TAFA1: variants seen among roughly 807,000 people sequenced by gnomAD.
TAFA1 encodes TAFA chemokine like family member 1.
Under a neutral mutation model 18.5 loss-of-function variants are expected in TAFA1, and 4 were observed. The observed-to-expected ratio is 0.22, with a 90% CI of 0.11 to 0.49. TAFA1 has a LOEUF of 0.49. TAFA1 is among the 20% of genes least tolerant of loss of function. The pLI is 0.98. For synonymous variants in TAFA1, 56 were observed against 55.2 expected (o/e 1.01, Z -0.06); for missense variants, 147 against 169.0 (o/e 0.87, Z 0.72).
At chr3:68,061,641 C>A (rs1220311141) in intron 2 of TAFA1, among the ~76,000 whole-genome samples, 1 of 152,142 alleles carries the variant, frequency 6.6e-6, no homozygotes, top group Non-Finnish European at 1.5e-5. Context: ...ATCACAGGTG[C>A]ATTTTGCATA....
chr3:68,029,880 G>C (rs1463145114), intron 2 of TAFA1, among the ~76,000 whole-genome samples: 3 of 152,082 alleles, frequency 2.0e-5, no homozygotes, highest in African/African-American at 7.2e-5. Context: ...CCTTGCCTAA[G>C]CCTCAGCTGT....
chr3:68,340,850 A>C (rs1280490820), intron 2 of TAFA1, among the ~76,000 whole-genome samples: 1 of 152,208 alleles, frequency 6.6e-6, no homozygotes, highest in African/African-American at 2.4e-5. Flanking sequence ...TCTGACCTGT[A>C]TTCACATTTC....
Position 68,408,115 on chromosome 3 carries a change from A to G in TAFA1, c.119-9165A>G, listed in dbSNP as rs1000175548. Among the ~76,000 whole-genome samples the G allele has an allele frequency of 2.0e-5, 3 of 152,168 alleles. No individual in the cohort carries two copies. In the South Asian group the frequency reaches 6.2e-4, roughly 32 times the overall value. On this transcript the variant is annotated intron_variant, in intron 2 of 4. Coordinates refer to ENST00000478136, the MANE Select transcript of TAFA1 (RefSeq NM_213609.4). ...AGTCCTGTAAAAGTGACTCTGAAAA[A>G]AATTTGCGATTTTTCTTACATATTA...
chr3:68,317,498 A>G (rs72626970), intron 2 of TAFA1, among the ~76,000 whole-genome samples: 3,953 of 152,334 alleles, frequency 0.026, 91 homozygotes, highest in East Asian at 0.098. Flanking sequence ...TAAAATGCCT[A>G]TAAGGAAGTG....
chr3:68,399,709 A>G (rs188367702), intron 2 of TAFA1, among the ~76,000 whole-genome samples: 18 of 152,318 alleles, frequency 1.2e-4, no homozygotes, highest in African/African-American at 4.3e-4. Flanking sequence ...GCACTGTGCT[A>G]AATGCTTTAT....
chr3:68,098,930 T>C (rs552650174), intron 2 of TAFA1, among the ~76,000 whole-genome samples: 82 of 152,220 alleles, frequency 5.4e-4, no homozygotes, highest in African/African-American at 1.9e-3. Flanking sequence ...CAATAGATGG[T>C]GCTGGGGTAG....
At chr3:68,368,796 G>A (rs745651538) in intron 2 of TAFA1, among the ~76,000 whole-genome samples, 1 of 152,130 alleles carries the variant, frequency 6.6e-6, no homozygotes, top group Non-Finnish European at 1.5e-5. Context: ...AAAATGAGGG[G>A]CAACACATTT....
At chr3:68,169,309 A>T (rs2066023203) in intron 2 of TAFA1, among the ~76,000 whole-genome samples, 1 of 152,228 alleles carries the variant, frequency 6.6e-6, no homozygotes, top group Admixed American at 6.5e-5. Context: ...CCAAGTTGAG[A>T]GGAACTGAGG....
At chr3:68,019,045 C>G (rs1441593744) in intron 2 of TAFA1, among the ~76,000 whole-genome samples, 1 of 152,322 alleles carries the variant, frequency 6.6e-6, no homozygotes, top group East Asian at 1.9e-4. Flanking sequence ...TAACAATTCT[C>G]AGTCAGGTTT....
chr3:68,259,420 G>A (rs561782730), intron 2 of TAFA1, among the ~76,000 whole-genome samples: 67 of 152,226 alleles, frequency 4.4e-4, no homozygotes, highest in African/African-American at 1.6e-3. Flanking sequence ...GGCGATGCGG[G>A]CTCTTTTTTG....
chr3:68,172,775 G>T (rs112707193), intron 2 of TAFA1, among the ~76,000 whole-genome samples: 2 of 152,034 alleles, frequency 1.3e-5, no homozygotes, highest in African/African-American at 4.8e-5. Flanking sequence ...ACCAAAGGGC[G>T]CATAATAGAT....
intron 3 of TAFA1, among the ~76,000 whole-genome samples, chr3:68,470,091 G>A (rs917865688): frequency 1.3e-5 from 2 of 152,108 alleles, no homozygotes; most frequent in Non-Finnish European, 2.9e-5. Flanking sequence ...CTCCTATACT[G>A]TTCTCATGGT....
intron 2 of TAFA1, among the ~76,000 whole-genome samples, chr3:68,026,349 A>G (rs1704816722): frequency 6.6e-6 from 1 of 151,948 alleles, no homozygotes; most frequent in African/African-American, 2.4e-5. Context: ...TTCCATCCCC[A>G]CCGAGAGGGT....
rs577774639 is a variant in TAFA1, at chr3:68,274,821, G to GCATT, written c.119-142457_119-142454dup. On this transcript the variant is annotated intron_variant, in intron 2 of 4. Coordinates refer to ENST00000478136, the MANE Select transcript of TAFA1 (RefSeq NM_213609.4). Reference sequence around the variant, plus strand: ...AATTTAATGAGATGCGACTGCTTGTGCATTCTCTCTCTCTGTTTCTCTTTC... The same window carrying GCATT: ...AATTTAATGAGATGCGACTGCTTGTGCATTCATTCTCTCTCTCTGTTTCTCTTTC... Among the ~76,000 whole-genome samples the GCATT allele has an allele frequency of 1.1e-3, 164 of 152,246 alleles. No individual in the cohort carries two copies. The Middle Eastern group carries it at 0.014, about 13-fold the overall frequency.
chr3:68,322,241 T>C (rs2068706812), intron 2 of TAFA1, among the ~76,000 whole-genome samples: 1 of 152,238 alleles, frequency 6.6e-6, no homozygotes, highest in Non-Finnish European at 1.5e-5. Flanking sequence ...TCCATAATTA[T>C]TTTGACATAA....
At chr3:68,475,673 C>G (rs911407816) in intron 3 of TAFA1, among the ~76,000 whole-genome samples, 8 of 152,004 alleles carry the variant, frequency 5.3e-5, no homozygotes, top group Non-Finnish European at 8.8e-5. Context: ...GGGTATATAC[C>G]CAGTAATGGG....
chr3:68,226,248 C>G (rs1436494330), intron 2 of TAFA1, among the ~76,000 whole-genome samples: 1 of 152,188 alleles, frequency 6.6e-6, no homozygotes, highest in Non-Finnish European at 1.5e-5. Flanking sequence ...ATGCTATTCA[C>G]TCATGGGCAG....
intron 2 of TAFA1, among the ~76,000 whole-genome samples, chr3:68,214,495 T>C (rs2066631638): frequency 1.3e-5 from 2 of 152,046 alleles, no homozygotes; most frequent in African/African-American, 4.8e-5. Context: ...TGATTTCTAT[T>C]GGTTGGAGGA....
intron 2 of TAFA1, among the ~76,000 whole-genome samples, chr3:68,289,576 C>A (rs941624668): frequency 4.5e-5 from 6 of 134,098 alleles, no homozygotes; most frequent in African/African-American, 1.7e-4. Flanking sequence ...CTTTGTGGAC[C>A]AAAGTTGAAG....
Sources: gnomAD v4.1 joint callset for allele counts (sites outside exome capture counted in the v4.1 genomes callset) on GRCh38, gnomAD v4.1.1 for gene constraint, MANE v1.5 for transcripts, NCBI Gene and HGNC (gene_info 2026-07-23, HGNC 2026-07-21) for gene names.